SLC30A8: variants seen among roughly 807,000 people sequenced by gnomAD.
SLC30A8 encodes solute carrier family 30 member 8.
In SLC30A8, 27 loss-of-function variants were observed where a neutral mutation model predicts 36.9. The ratio of observed to expected loss-of-function variants is 0.73; its 90% CI spans 0.54 to 1.01. The LOEUF (loss-of-function observed/expected upper bound fraction) is 1.01, where lower values mean the gene tolerates loss of function less well. SLC30A8 is among the 50% of genes least tolerant of loss of function. The pLI, the probability that SLC30A8 is intolerant of heterozygous loss-of-function variation, is 0.00. For missense variants in SLC30A8, 439 were observed against 452.0 expected (o/e 0.97, Z 0.26); for synonymous variants, 164 against 172.4 (o/e 0.95, Z 0.38).
At chr8:117,040,714 G>A (rs753961324) in intron 2 of SLC30A8, among the ~76,000 whole-genome samples, 4 of 152,150 alleles carry the variant, frequency 2.6e-5, no homozygotes, top group Non-Finnish European at 5.9e-5. Flanking sequence ...ATGAAGGCAA[G>A]CGTAAGCACT....
intron 2 of SLC30A8, among the ~76,000 whole-genome samples, chr8:117,070,988 A>G (rs1195602177): frequency 6.6e-6 from 1 of 152,198 alleles, no homozygotes; most frequent in Non-Finnish European, 1.5e-5. Context: ...GCTACTGTGA[A>G]TAATGCTGCA....
intron 2 of SLC30A8, among the ~76,000 whole-genome samples, chr8:117,108,840 G>A (rs1011479558): frequency 1.3e-5 from 2 of 152,158 alleles, no homozygotes; most frequent in Non-Finnish European, 2.9e-5. Flanking sequence ...AATTGTTATC[G>A]AGGTCCTAAC....
At chr8:116,978,385 A>G (rs1200154743) in intron 1 of SLC30A8, among the ~76,000 whole-genome samples, 1 of 152,060 alleles carries the variant, frequency 6.6e-6, no homozygotes, top group African/African-American at 2.4e-5. Flanking sequence ...TTGAATAGAA[A>G]TGAAGAAACA....
intron 1 of SLC30A8, among the ~76,000 whole-genome samples, chr8:117,143,406 T>C (rs1445722205): frequency 6.6e-6 from 1 of 152,156 alleles, no homozygotes; most frequent in African/African-American, 2.4e-5. Context: ...CTTCCAGGAT[T>C]TATTCATTAA....
At chr8:116,974,105 A>G (rs1002085330) in intron 1 of SLC30A8, among the ~76,000 whole-genome samples, 5 of 152,198 alleles carry the variant, frequency 3.3e-5, no homozygotes, top group Non-Finnish European at 7.3e-5. Context: ...AACCTAGGCA[A>G]TACCATTCAG....
At chr8:117,044,221 G>T (rs889500837) in intron 2 of SLC30A8, among the ~76,000 whole-genome samples, 2 of 152,208 alleles carry the variant, frequency 1.3e-5, no homozygotes, top group Non-Finnish European at 2.9e-5. Flanking sequence ...CAAAGGCCAA[G>T]AATTCACCAT....
intron 2 of SLC30A8, among the ~76,000 whole-genome samples, chr8:117,051,791 C>T (rs542948353): frequency 6.0e-5 from 9 of 151,136 alleles, no homozygotes; most frequent in East Asian, 2.0e-4. Flanking sequence ...CCAGCCTGGG[C>T]GACAGAATGA....
intron 2 of SLC30A8, among the ~76,000 whole-genome samples, chr8:117,062,041 A>G (rs1053998324): frequency 1.3e-5 from 2 of 152,126 alleles, no homozygotes; most frequent in Non-Finnish European, 2.9e-5. Flanking sequence ...GTTTGAAACC[A>G]TTGAGATGTG....
intron 2 of SLC30A8, among the ~76,000 whole-genome samples, chr8:117,112,790 ATCCCAAGGACTT>A (rs1297386290): frequency 6.6e-6 from 1 of 152,144 alleles, no homozygotes; most frequent in African/African-American, 2.4e-5. Flanking sequence ...GCTGGGGTGT[ATCCCAAGGACTT>A]TCCTGCTCTG....
intron 6 of SLC30A8, among the ~76,000 whole-genome samples, chr8:117,169,813 G>A (rs938758792): frequency 1.1e-4 from 16 of 151,972 alleles, no homozygotes; most frequent in Admixed American, 3.3e-4. Flanking sequence ...ACTCATCATC[G>A]CAAAGACAGC....
intron 1 of SLC30A8, among the ~76,000 whole-genome samples, chr8:116,973,436 C>T (rs187188905): frequency 5.9e-5 from 9 of 152,242 alleles, no homozygotes; most frequent in African/African-American, 1.9e-4. Context: ...CTCCCATTCA[C>T]AATTACTTCA....
At chr8:117,114,361 G>T (rs1820354620) in intron 2 of SLC30A8, among the ~76,000 whole-genome samples, 1 of 151,974 alleles carries the variant, frequency 6.6e-6, no homozygotes, top group Non-Finnish European at 1.5e-5. Context: ...CTACTATTCG[G>T]ATTCCATGAC....
chr8:117,171,316 C>A, intron 7 of SLC30A8, 148 bp downstream of exon 7: 1 of 838,062 alleles, frequency 1.2e-6, no homozygotes, highest in Non-Finnish European at 1.9e-6. Flanking sequence ...GCCTTTGAAA[C>A]CAGCCCACTT....
chr8:117,135,343 A>G lies in SLC30A8; in HGVS notation c.16A>G (p.Arg6Gly). The change falls in exon 1 of 8, where the codon AGA becomes GGA. Residue 6 changes from arginine (R) to glycine (G), a missense_variant. Physicochemically the swap from Arg to Gly is moderately radical, Grantham distance 125 (BLOSUM62 -2). Coordinates refer to ENST00000456015, the MANE Select transcript of SLC30A8 (RefSeq NM_173851.3). Reference protein sequence around the residue: MEFLERTYLVNDKAAK... With the variant: MEFLEGTYLVNDKAAK... ...CCTGGCCGTCATGGAGTTTCTTGAAAGAACGTATCTTGTGAATGATAAAGC... is the reference window on the plus strand; with the variant it reads ...CCTGGCCGTCATGGAGTTTCTTGAAGGAACGTATCTTGTGAATGATAAAGC... The G allele has an allele frequency of 6.3e-7, 1 of 1,597,372 alleles. No individual in the cohort carries two copies. Among genetic ancestry groups the G allele is most frequent in the Non-Finnish European group, 8.5e-7 (1 of 1,169,824 alleles).
chr8:117,064,372 A>G (rs1191872554), intron 2 of SLC30A8, among the ~76,000 whole-genome samples: 1 of 152,184 alleles, frequency 6.6e-6, no homozygotes. Flanking sequence ...ACATTCTCAC[A>G]TGTTCTTCAG....
At chr8:117,134,400 C>G (rs1423933049), upstream of SLC30A8, among the ~76,000 whole-genome samples, 2 of 151,976 alleles carry the variant, frequency 1.3e-5, no homozygotes, top group African/African-American at 4.8e-5. Flanking sequence ...TGTCCAGGCT[C>G]TTGCCATAAG....
At chr8:116,980,525 A>G (rs1815214827) in intron 1 of SLC30A8, among the ~76,000 whole-genome samples, 1 of 152,202 alleles carries the variant, frequency 6.6e-6, no homozygotes, top group Non-Finnish European at 1.5e-5. Context: ...TCAGTCAGTC[A>G]TTGGCTGAGG....
intron 1 of SLC30A8, among the ~76,000 whole-genome samples, chr8:116,998,568 A>G (rs753656669): frequency 2.7e-4 from 41 of 152,138 alleles, no homozygotes; most frequent in Non-Finnish European, 5.1e-4. Context: ...GGCTGCTCAG[A>G]ATCTCAGAAT....
chr8:116,953,436 G>A (rs1413025894), intron 1 of SLC30A8, among the ~76,000 whole-genome samples: 1 of 152,016 alleles, frequency 6.6e-6, no homozygotes, highest in Non-Finnish European at 1.5e-5. Context: ...TCAAGTAGTG[G>A]ACTGTGATTA....
Sources: allele counts gnomAD v4.1 joint callset (sites outside exome capture counted in the v4.1 genomes callset), GRCh38; gene constraint gnomAD v4.1.1; transcripts MANE v1.5; gene names NCBI Gene and HGNC (gene_info 2026-07-23, HGNC 2026-07-21).